Variants in CPED1 observed in about 807,000 individuals in gnomAD.
CPED1 encodes cadherin like and PC-esterase domain containing 1, also known as cadherin-like and PC-esterase domain-containing protein 1.
CPED1 carries 114 observed loss-of-function variants against 128.2 expected under a neutral mutation model. The observed-to-expected ratio is 0.89, with a 90% CI of 0.76 to 1.04. CPED1 has a LOEUF of 1.04. Ranked by LOEUF, CPED1 falls within the 50% of genes least tolerant of loss-of-function variation. CPED1 has a pLI of 0.00. For missense variants in CPED1, 1,211 were observed against 1,207.1 expected, an observed-to-expected ratio of 1.00 and a Z score of -0.05; for synonymous variants, 462 against 426.7, an observed-to-expected ratio of 1.08 and a Z score of -1.02.
chr7:121,279,837 A>G (rs1380126478), intron 22 of CPED1, among the ~76,000 whole-genome samples: 1 of 152,178 alleles, frequency 6.6e-6, no homozygotes, highest in African/African-American at 2.4e-5. Context: ...AAACAGAAAG[A>G]TGAAGGTAAA....
chr7:121,157,356 G>T (rs1796311294), intron 16 of CPED1, among the ~76,000 whole-genome samples: 1 of 152,156 alleles, frequency 6.6e-6, no homozygotes, highest in Admixed American at 6.5e-5. Flanking sequence ...TAAGAAAGGG[G>T]TCGAGTGCAC....
chr7:121,059,211 G>C (rs920447496), intron 4 of CPED1, among the ~76,000 whole-genome samples: 2 of 152,198 alleles, frequency 1.3e-5, no homozygotes, highest in Admixed American at 6.5e-5. Flanking sequence ...AGTCCCTAAA[G>C]CTAGGATGCT....
intron 5 of CPED1, among the ~76,000 whole-genome samples, chr7:121,092,098 G>T (rs1794584996): frequency 6.6e-6 from 1 of 152,074 alleles, no homozygotes; most frequent in Admixed American, 6.6e-5. Flanking sequence ...GGTTCCAGGG[G>T]GCTTTGCTGA....
chr7:121,128,293 C>G, intron 10 of CPED1, 89 bp from the exon 11 acceptor site: 1 of 719,624 alleles, frequency 1.4e-6, no homozygotes, highest in Non-Finnish European at 2.5e-6. Context: ...AACTCAAAAT[C>G]TGATTGGTTG....
At chr7:121,278,225 A>G (rs138820511) in intron 22 of CPED1, among the ~76,000 whole-genome samples, 2 of 152,274 alleles carry the variant, frequency 1.3e-5, no homozygotes, top group African/African-American at 2.4e-5. Flanking sequence ...CAGAGAGGAA[A>G]TAATCAATAC....
chr7:121,027,468 A>G (rs1792620390), intron 3 of CPED1, among the ~76,000 whole-genome samples: 1 of 152,076 alleles, frequency 6.6e-6, no homozygotes, highest in Admixed American at 6.5e-5. Flanking sequence ...TACACTAATA[A>G]AATAGCTGAA....
chr7:121,023,720 C>T (rs1193311198), intron 3 of CPED1, among the ~76,000 whole-genome samples: 1 of 152,118 alleles, frequency 6.6e-6, no homozygotes, highest in East Asian at 1.9e-4. Flanking sequence ...ACATTTATAG[C>T]AGATGCTTCT....
intron 5 of CPED1, among the ~76,000 whole-genome samples, chr7:121,082,247 A>G (rs1794312897): frequency 6.6e-6 from 1 of 152,202 alleles, no homozygotes; most frequent in African/African-American, 2.4e-5. Context: ...ATAAAAGAAT[A>G]TTATGAGTCT....
intron 16 of CPED1, among the ~76,000 whole-genome samples, chr7:121,234,503 TAGAATGGAGGAACAGCCA>T (rs1406097047): frequency 6.6e-6 from 1 of 152,070 alleles, no homozygotes; most frequent in Non-Finnish European, 1.5e-5. Flanking sequence ...TGGTACCTCC[TAGAATGGAGGAACAGCCA>T]AGTCTCCAGC....
At chr7:121,059,276 T>G (rs753661755) in intron 4 of CPED1, among the ~76,000 whole-genome samples, 2 of 152,176 alleles carry the variant, frequency 1.3e-5, no homozygotes, top group Non-Finnish European at 2.9e-5. Flanking sequence ...TTTTAAAGCA[T>G]CCCAGGGAAT....
chr7:121,018,340 A>G (rs1015731605), intron 3 of CPED1, among the ~76,000 whole-genome samples: 1 of 152,162 alleles, frequency 6.6e-6, no homozygotes, highest in African/African-American at 2.4e-5. Flanking sequence ...AGTTTCACAT[A>G]TTCATCTCAT....
chr7:121,028,626 A>G (rs1330234268), intron 3 of CPED1, among the ~76,000 whole-genome samples: 1 of 152,172 alleles, frequency 6.6e-6, no homozygotes, highest in Non-Finnish European at 1.5e-5. Context: ...AAATATGAAC[A>G]CGTTTTATTG....
intron 22 of CPED1, among the ~76,000 whole-genome samples, chr7:121,274,017 A>G (rs1792286143): frequency 6.6e-6 from 1 of 152,116 alleles, no homozygotes; most frequent in African/African-American, 2.4e-5. Flanking sequence ...TTTTAGAAAG[A>G]ATTTTTATTT....
chr7:121,091,779 T>C (rs1392778516), intron 5 of CPED1, among the ~76,000 whole-genome samples: 1 of 152,188 alleles, frequency 6.6e-6, no homozygotes, highest in Non-Finnish European at 1.5e-5. Context: ...GACTCATGAT[T>C]ACACTTATAT....
intron 22 of CPED1, among the ~76,000 whole-genome samples, chr7:121,278,469 C>T (rs1182084657): frequency 2.0e-5 from 3 of 152,150 alleles, no homozygotes; most frequent in Non-Finnish European, 4.4e-5. Context: ...GGAGAATGTT[C>T]CTATACTTCA....
At chr7:121,074,770 CTT>C (rs1378145362) in intron 5 of CPED1, among the ~76,000 whole-genome samples, 1 of 151,996 alleles carries the variant, frequency 6.6e-6, no homozygotes, top group African/African-American at 2.4e-5. Context: ...CATATAATGA[CTT>C]TGCTTTCTCT....
intron 5 of CPED1, among the ~76,000 whole-genome samples, chr7:121,078,306 G>A (rs956231864): frequency 9.2e-5 from 14 of 152,078 alleles, no homozygotes; most frequent in Non-Finnish European, 1.9e-4. Context: ...GCCTCCCAAA[G>A]TGCTGGGATT....
At chr7:121,294,600 G>C (rs968135747) in intron 22 of CPED1, among the ~76,000 whole-genome samples, 2 of 152,022 alleles carry the variant, frequency 1.3e-5, no homozygotes, top group African/African-American at 4.8e-5. Context: ...CATTGGAAAA[G>C]GGTGATTCAG....
Position 121,271,371 on chromosome 7 carries a change from A to C in CPED1, c.2809A>C (p.Ile937Leu), listed in dbSNP as rs150822912. The C allele has an allele frequency of 2.5e-5, 40 of 1,612,796 alleles. No homozygotes were observed. Among genetic ancestry groups the C allele is most frequent in the Middle Eastern group, 1.6e-4 (1 of 6,076 alleles). The change falls in exon 22 of 23, where the codon ATA (isoleucine) becomes CTA (leucine). Residue 937 changes from isoleucine (I) to leucine (L), a missense_variant. By Grantham distance (5) the Ile-to-Leu change is conservative. Coordinates refer to ENST00000310396, the MANE Select transcript of CPED1 (RefSeq NM_024913.5). The part of the protein sequence containing the change: ...HGYEVVDTFT[I>L]TMGRYKEFLQ... ...CTATGAAGTAGTTGACACATTCACT[A>C]TAACAATGGGGCGTTACAAAGAGTT...
Sources: allele counts gnomAD v4.1 joint callset (sites outside exome capture counted in the v4.1 genomes callset), GRCh38; gene constraint gnomAD v4.1.1; transcripts MANE v1.5; gene names NCBI Gene and HGNC (gene_info 2026-07-23, HGNC 2026-07-21).